The following CRAMP1 variants were observed in gnomAD, a reference collection of about 807,000 sequenced individuals.
CRAMP1 encodes protein cramped-like.
Under a neutral mutation model 115.4 loss-of-function variants are expected in CRAMP1, and 50 were observed. The observed-to-expected ratio is 0.43, with a 90% CI of 0.35 to 0.55. CRAMP1 has a LOEUF of 0.55. CRAMP1 is among the 20% of genes least tolerant of loss of function. The pLI, the probability that CRAMP1 is intolerant of heterozygous loss-of-function variation, is 0.01. For missense variants in CRAMP1, 1,679 were observed against 1,721.7 expected, an observed-to-expected ratio of 0.98 and a Z score of 0.44; for synonymous variants, 866 against 745.4, an observed-to-expected ratio of 1.16 and a Z score of -2.64.
Position 1,674,279 on chromosome 16 carries a change from TCTTCACCACGCCTGGGCCCATG to T in CRAMP1, c.*235_*256del. The T allele has an allele frequency of 1.8e-6, 1 of 558,546 alleles. No individual in the cohort carries two copies. Among genetic ancestry groups the T allele is most frequent in the Non-Finnish European group, 3.2e-6 (1 of 312,550 alleles). The allele number at this position is 558,546 out of a possible 1,614,324, so 34.6% of individuals were successfully genotyped here. A position where few individuals can be genotyped will look rare whatever the true frequency, so the allele number is the denominator to read the frequency against. ...GAAATCACTGTGGTACTAGAGCCGT[TCTTCACCACGCCTGGGCCCATG>T]TTAGGGTCTGCATAATGATCCCATT... On this transcript the variant is annotated 3_prime_UTR_variant, in exon 21 of 21. Coordinates refer to ENST00000397412, the MANE Select transcript of CRAMP1 (RefSeq NM_020825.4).
At position 1,661,270 on chromosome 16, in the gene CRAMP1, C is replaced by T. The variant is rs903969119; in HGVS notation, c.2413+1207C>T. On this transcript the variant is annotated intron_variant, in intron 11 of 20. Coordinates refer to ENST00000397412, the MANE Select transcript of CRAMP1 (RefSeq NM_020825.4). ...CCAGGAGTTCAAGGCCGCACTGAGC[C>T]GTGATTGTGCCACTGCACTCCAGCC... Among the ~76,000 whole-genome samples, 47 of 152,290 alleles carry T rather than the reference C, an allele frequency of 3.1e-4. 1 individual carries two copies. Among genetic ancestry groups the T allele is most frequent in the Middle Eastern group, 3.4e-3 (1 of 294 alleles).
chr16:1,641,200 T>G lies in CRAMP1; in HGVS notation c.827+13T>G, dbSNP rs761754066. Reference sequence around the variant, plus strand: ...TCATTCAGGTTGGGTAAGTCCCAGTTTCCATGTGAAACATCACTTCTCTGG... The same window carrying G: ...TCATTCAGGTTGGGTAAGTCCCAGTGTCCATGTGAAACATCACTTCTCTGG... On this transcript the variant is annotated intron_variant, in intron 6 of 20. Transcript: ENST00000397412. The G allele has an allele frequency of 6.3e-7, 1 of 1,595,430 alleles. No homozygotes were observed. The highest frequency in any genetic ancestry group is 1.1e-5 in the South Asian group (1 of 90,506).
chr16:1,663,655 G>A (rs1037411158), intron 13 of CRAMP1, among the ~76,000 whole-genome samples: 35 of 152,008 alleles, frequency 2.3e-4, no homozygotes, highest in Non-Finnish European at 2.2e-4. Context: ...CAAGGTGTAC[G>A]ACGACCATCA....
chr16:1,658,784 G>T (rs966639294), intron 10 of CRAMP1, among the ~76,000 whole-genome samples: 2 of 152,240 alleles, frequency 1.3e-5, no homozygotes, highest in East Asian at 1.9e-4. Context: ...TGGGGCTAGG[G>T]CCTGAAGGCT....
chr16:1,659,793 T>C lies in CRAMP1; in HGVS notation c.2236-93T>C, dbSNP rs995675893. ...CGTCATGACACTGTGCTTTCTGAGCTCGATGATTTTCTTGTGCCTCCTACT... is the reference window on the plus strand; with the variant it reads ...CGTCATGACACTGTGCTTTCTGAGCCCGATGATTTTCTTGTGCCTCCTACT... On this transcript the variant is annotated intron_variant, in intron 10 of 20. Transcript: ENST00000397412. 1.4e-5 allele frequency: 17 copies of C among 1,206,882 alleles called. No homozygotes were observed. The South Asian group carries it at 2.1e-4, about 15-fold the overall frequency. 74.8% of individuals were successfully genotyped at this position (1,206,882 alleles called of 1,614,324 possible). A position where few individuals can be genotyped will look rare whatever the true frequency, so the allele number is the denominator to read the frequency against.
intron 3 of CRAMP1, among the ~76,000 whole-genome samples, chr16:1,629,980 C>T (rs560142000): frequency 6.6e-6 from 1 of 152,118 alleles, no homozygotes; most frequent in East Asian, 1.9e-4. Flanking sequence ...CACCTCCCCT[C>T]TGGCCCCTCC....
At chr16:1,646,476 T>C (rs2036675294) in intron 6 of CRAMP1, among the ~76,000 whole-genome samples, 1 of 152,240 alleles carries the variant, frequency 6.6e-6, no homozygotes, top group African/African-American at 2.4e-5. Flanking sequence ...CGAGTGTCTT[T>C]CTCGTGCTTA....
At position 1,672,866 on chromosome 16, in the gene CRAMP1, A is replaced by G. The variant is rs2036933377; in HGVS notation, c.3646-1015A>G. On this transcript the variant is annotated intron_variant, in intron 20 of 20. Coordinates refer to ENST00000397412, the MANE Select transcript of CRAMP1 (RefSeq NM_020825.4). The surrounding 1 kb of genome is among the most constrained non-coding windows in gnomAD (Gnocchi z 4.9). ...TCCTCAGCTCTGTGCTGCCTCACTCACTCTGTCATGGCCACCACCTTGGTC... is the reference window on the plus strand; with the variant it reads ...TCCTCAGCTCTGTGCTGCCTCACTCGCTCTGTCATGGCCACCACCTTGGTC... 6.6e-6 allele frequency among the ~76,000 whole-genome samples: 1 copy of G among 151,902 alleles called. No individual in the cohort carries two copies. Among genetic ancestry groups the G allele is most frequent in the Non-Finnish European group, 1.5e-5 (1 of 67,960 alleles).
chr16:1,653,118 G>A lies in CRAMP1; in HGVS notation c.999G>A (p.Trp333Ter), dbSNP rs1385052695. The A allele has an allele frequency of 6.2e-7, 1 of 1,611,444 alleles. No homozygotes were observed. Among genetic ancestry groups the A allele is most frequent in the Non-Finnish European group, 8.5e-7 (1 of 1,178,806 alleles). Reference sequence around the variant, plus strand: ...TACAGCCGCGGAACAACCACGCCTGGGCCCGTGTGCAGAGCCTTGCCCAGA... The same window carrying A: ...TACAGCCGCGGAACAACCACGCCTGAGCCCGTGTGCAGAGCCTTGCCCAGA... ...IELQPRNNHAWARVQSLAQNP... is the reference protein window; with the variant it reads ...IELQPRNNHA The change falls in exon 8 of 21, where the codon TGG becomes TGA. Residue 333 changes from tryptophan (W) to a stop codon, truncating the protein, a stop_gained. Transcript: ENST00000397412. LOFTEE classifies it high-confidence loss of function.
At position 1,632,340 on chromosome 16, in the gene CRAMP1, C is replaced by A; in HGVS notation, c.669C>A (p.Ile223=). The A allele has an allele frequency of 6.3e-7, 1 of 1,597,152 alleles. No homozygotes were observed. The highest frequency in any genetic ancestry group is 8.5e-7 in the Non-Finnish European group (1 of 1,172,246). ...TCTACTACCGCACCTGGCACAAGAT[C>A]ACCAAGTACATCGACTTTGATCATG... The part of the protein sequence containing the change: ...RHFYYRTWHK[I]TKYIDFDHVF... The change falls in exon 4 of 21, where the codon ATC becomes ATA. Residue 223 remains isoleucine (I), a synonymous_variant. Coordinates refer to ENST00000397412, the MANE Select transcript of CRAMP1 (RefSeq NM_020825.4).
At chr16:1,632,493 C>A in intron 4 of CRAMP1, 128 bp downstream of exon 4, 1 of 963,400 alleles carries the variant, frequency 1.0e-6, no homozygotes, top group Non-Finnish European at 1.5e-6. Context: ...TGGCCTGGGG[C>A]TCCTCGCCTT....
chr16:1,617,072 C>T (rs1288635309), intron 2 of CRAMP1, among the ~76,000 whole-genome samples: 2 of 152,088 alleles, frequency 1.3e-5, no homozygotes, highest in Non-Finnish European at 2.9e-5. Context: ...GATCCTCCCG[C>T]CTCAGCCCCC....
intron 20 of CRAMP1, 46 bp from the exon 21 acceptor site, chr16:1,673,835 C>T (rs2036943819): frequency 6.3e-7 from 1 of 1,598,706 alleles, no homozygotes; most frequent in African/African-American, 1.3e-5. Flanking sequence ...CACTGAAGGG[C>T]CAGCAGGTCG....
At chr16:1,651,050 T>C (rs977114597) in intron 6 of CRAMP1, among the ~76,000 whole-genome samples, 22 of 150,868 alleles carry the variant, frequency 1.5e-4, no homozygotes, top group African/African-American at 4.9e-4. Context: ...GAGAGGTGGA[T>C]TGAGGTCACA....
Position 1,660,038 on chromosome 16 carries a change from G to A in CRAMP1, c.2388G>A (p.Pro796=), listed in dbSNP as rs367945579. ...QASLRSSKTF[P]PSSAPCSSGL... is the part of the protein sequence containing the mutation. The stretch of plus-strand genomic sequence containing the variant: ...CCCTCCGCAGCAGCAAGACCTTCCC[G>A]CCCAGCTCTGCACCCTGCTCCTCAG... Residue 796 remains proline (P), a synonymous_variant, in exon 11 of 21, where the codon CCG becomes CCA. Coordinates refer to ENST00000397412, the MANE Select transcript of CRAMP1 (RefSeq NM_020825.4). 1.3e-4 allele frequency: 205 copies of A among 1,593,132 alleles called. No homozygotes were observed. Among genetic ancestry groups the A allele is most frequent in the Non-Finnish European group, 1.6e-4 (192 of 1,176,614 alleles).
At chr16:1,641,436 T>C (rs1037331564) in intron 6 of CRAMP1, among the ~76,000 whole-genome samples, 11 of 152,194 alleles carry the variant, frequency 7.2e-5, no homozygotes, top group African/African-American at 2.7e-4. Context: ...GGTCTCTGGC[T>C]GGGCGTTGTG....
At chr16:1,662,243 A>C (rs1254917678) in intron 11 of CRAMP1, among the ~76,000 whole-genome samples, 1 of 152,170 alleles carries the variant, frequency 6.6e-6, no homozygotes, top group Non-Finnish European at 1.5e-5. Context: ...GCACTGAGCG[A>C]AGTGGTGAAG....
rs773972940 is a variant in CRAMP1, at chr16:1,656,091, C to G, written c.1334C>G (p.Ala445Gly). The G allele has an allele frequency of 1.1e-5, 18 of 1,609,816 alleles. No homozygotes were observed. The highest frequency in any genetic ancestry group is 1.4e-5 in the Non-Finnish European group (17 of 1,178,858). ...SAKDAHVLPPAQILGIQSGQG... is the reference protein window; with the variant it reads ...SAKDAHVLPPGQILGIQSGQG... ...AAGGACGCCCACGTGCTGCCCCCAG[C>G]CCAGATCCTGGGCATCCAGAGTGGG... The change falls in exon 10 of 21, where the codon GCC (alanine) becomes GGC (glycine). Residue 445 changes from alanine (A) to glycine (G), a missense_variant. This residue lies in a region of CRAMP1 where 191 missense variants were observed against 236.2 expected (regional missense o/e 0.81). Coordinates refer to ENST00000397412, the MANE Select transcript of CRAMP1 (RefSeq NM_020825.4). This position sits in a 1 kb window ranked among gnomAD's most constrained non-coding sequence, Gnocchi z 5.6.
intron 5 of CRAMP1, among the ~76,000 whole-genome samples, chr16:1,639,111 A>T (rs2036611763): frequency 6.6e-6 from 1 of 151,948 alleles, no homozygotes; most frequent in Admixed American, 6.6e-5. Context: ...TCTTCCCCAG[A>T]TAAAGGAAAA....
Sources: gnomAD v4.1 joint callset for allele counts (sites outside exome capture counted in the v4.1 genomes callset) on GRCh38, gnomAD v4.1.1 for gene constraint, gnomAD v4.1.1 regional missense constraint, Gnocchi (gnomAD v3.1) non-coding constraint, MANE v1.5 for transcripts, NCBI Gene and HGNC (gene_info 2026-07-23, HGNC 2026-07-21) for gene names.